The following TNR variants were observed in gnomAD, a reference collection of about 807,000 sequenced individuals.
The protein encoded by TNR is tenascin R, also known as tenascin-R.
Under a neutral mutation model 150.4 loss-of-function variants are expected in TNR, and 45 were observed. That is an observed-to-expected ratio of 0.30 (90% CI 0.24 to 0.38). The LOEUF (loss-of-function observed/expected upper bound fraction) is 0.38, where lower values mean the gene tolerates loss of function less well. Ranked by LOEUF, TNR falls within the 10% of genes least tolerant of loss-of-function variation. TNR has a pLI of 1.00. For synonymous variants in TNR, 687 were observed against 678.4 expected (o/e 1.01, Z -0.20); for missense variants, 1,544 against 1,759.1 (o/e 0.88, Z 2.19).
At chr1:175,585,043 C>T (rs1241604638) in intron 1 of TNR, among the ~76,000 whole-genome samples, 1 of 152,170 alleles carries the variant, frequency 6.6e-6, no homozygotes, top group African/African-American at 2.4e-5. Context: ...TTGTTAATAG[C>T]AAATACAAAC....
At chr1:175,479,363 C>T (rs1055022250) in intron 2 of TNR, among the ~76,000 whole-genome samples, 12 of 152,198 alleles carry the variant, frequency 7.9e-5, no homozygotes, top group Non-Finnish European at 5.9e-5. Context: ...AAGTTTCCCC[C>T]CACCAACAAT....
intron 2 of TNR, among the ~76,000 whole-genome samples, chr1:175,469,774 C>T (rs1247228016): frequency 1.3e-5 from 2 of 151,932 alleles, no homozygotes; most frequent in African/African-American, 4.8e-5. Flanking sequence ...GGGTTTTAGA[C>T]TTGGGTTTTG....
chr1:175,522,292 T>C (rs1659668698), intron 2 of TNR, among the ~76,000 whole-genome samples: 1 of 152,228 alleles, frequency 6.6e-6, no homozygotes, highest in African/African-American at 2.4e-5. Flanking sequence ...GGCTAACTCA[T>C]GGCCAAAGTC....
At chr1:175,391,517 G>A in intron 6 of TNR, 79 bp from the exon 7 acceptor site, 1 of 1,465,260 alleles carries the variant, frequency 6.8e-7, no homozygotes, top group South Asian at 1.3e-5. Context: ...ATAAAGGTGT[G>A]GAATACTAAT....
At chr1:175,570,880 A>G (rs143241089) in intron 1 of TNR, among the ~76,000 whole-genome samples, 1 of 152,312 alleles carries the variant, frequency 6.6e-6, no homozygotes, top group African/African-American at 2.4e-5. Context: ...ATGTCTCTTC[A>G]CATGACACCA....
At chr1:175,669,180 G>A (rs1412494223) in intron 1 of TNR, among the ~76,000 whole-genome samples, 2 of 152,194 alleles carry the variant, frequency 1.3e-5, no homozygotes, top group Non-Finnish European at 2.9e-5. Context: ...TGTTGAAGAG[G>A]TAATGATGGT....
At chr1:175,742,872 G>A (rs760253298) in intron 1 of TNR, among the ~76,000 whole-genome samples, 4 of 149,830 alleles carry the variant, frequency 2.7e-5, no homozygotes, top group Non-Finnish European at 5.9e-5. Context: ...AAACCATCTC[G>A]CTTATCTACA....
intron 2 of TNR, among the ~76,000 whole-genome samples, chr1:175,515,389 G>A (rs905968772): frequency 4.6e-5 from 7 of 152,194 alleles, no homozygotes; most frequent in Non-Finnish European, 1.0e-4. Flanking sequence ...GGAAACATGG[G>A]CGCCTAATTC....
At chr1:175,623,782 G>T (rs28533043) in intron 1 of TNR, among the ~76,000 whole-genome samples, 280 of 152,350 alleles carry the variant, frequency 1.8e-3, no homozygotes, top group African/African-American at 6.6e-3. Flanking sequence ...GCTAGGGGAA[G>T]AATTGACATA....
At chr1:175,568,143 C>T (rs1209536201) in intron 1 of TNR, among the ~76,000 whole-genome samples, 1 of 152,184 alleles carries the variant, frequency 6.6e-6, no homozygotes, top group Non-Finnish European at 1.5e-5. Context: ...GAGCAAAGTC[C>T]CACTCAGGTC....
chr1:175,458,971 A>G (rs1053595784), intron 2 of TNR, among the ~76,000 whole-genome samples: 5 of 151,386 alleles, frequency 3.3e-5, no homozygotes, highest in Admixed American at 3.3e-4. Context: ...CATCACCACC[A>G]CGTTAACCAC....
At chr1:175,737,496 A>T (rs992995295) in intron 1 of TNR, among the ~76,000 whole-genome samples, 3 of 152,178 alleles carry the variant, frequency 2.0e-5, no homozygotes, top group African/African-American at 7.2e-5. Context: ...AGGGCCCAGG[A>T]ATGTGAATTT....
chr1:175,657,001 A>C (rs1665198294), intron 1 of TNR, among the ~76,000 whole-genome samples: 1 of 152,136 alleles, frequency 6.6e-6, no homozygotes, highest in Non-Finnish European at 1.5e-5. Context: ...GGTTAGAAAG[A>C]GAAGATATAG....
chr1:175,382,900 C>CA (rs71129507), intron 8 of TNR, among the ~76,000 whole-genome samples: 9,995 of 103,444 alleles, frequency 0.097, 398 homozygotes, highest in Middle Eastern at 0.25. Context: ...GACTCCATCT[C>CA]AAAAAAAAAA....
intron 1 of TNR, among the ~76,000 whole-genome samples, chr1:175,555,491 G>T (rs1397661576): frequency 7.0e-6 from 1 of 142,906 alleles, no homozygotes. Context: ...AAGCACATTA[G>T]TGCTGACTCA....
intron 2 of TNR, among the ~76,000 whole-genome samples, chr1:175,516,839 T>A (rs1659425811): frequency 6.6e-6 from 1 of 152,208 alleles, no homozygotes; most frequent in African/African-American, 2.4e-5. Context: ...TTAGTAATTA[T>A]GCCTGTTTTC....
At position 175,596,159 on chromosome 1, in the gene TNR, G is replaced by T. The variant is rs559317885; in HGVS notation, c.-164-67790C>A. On this transcript the variant is annotated intron_variant, in intron 1 of 22. Coordinates refer to ENST00000367674, the MANE Select transcript of TNR (RefSeq NM_003285.3). ...TTGGCTACACAATGTTTTTTTAAAAGAAAAAGAAAAAGAATTTGTGAATAA... is the reference window on the plus strand; with the variant it reads ...TTGGCTACACAATGTTTTTTTAAAATAAAAAGAAAAAGAATTTGTGAATAA... Among the ~76,000 whole-genome samples the T allele has an allele frequency of 6.4e-4, 98 of 152,198 alleles. 2 individuals carry two copies. The highest frequency in any genetic ancestry group is 1.2e-3 in the Non-Finnish European group (84 of 67,968).
intron 1 of TNR, among the ~76,000 whole-genome samples, chr1:175,543,807 A>C (rs1256002438): frequency 6.6e-6 from 1 of 152,206 alleles, no homozygotes; most frequent in African/African-American, 2.4e-5. Flanking sequence ...GTTTTATGAA[A>C]GATGCCCAGA....
At chr1:175,413,735 T>C (rs1362858437) in intron 2 of TNR, among the ~76,000 whole-genome samples, 1 of 152,200 alleles carries the variant, frequency 6.6e-6, no homozygotes, top group African/African-American at 2.4e-5. Flanking sequence ...CCAAAATTCA[T>C]ATGCTGAAAT....
Sources: gnomAD v4.1 joint callset for allele counts (sites outside exome capture counted in the v4.1 genomes callset) on GRCh38, gnomAD v4.1.1 for gene constraint, MANE v1.5 for transcripts, NCBI Gene and HGNC (gene_info 2026-07-23, HGNC 2026-07-21) for gene names.